Variants in UBE3B observed in about 807,000 individuals in gnomAD.
The protein encoded by UBE3B is ubiquitin-protein ligase E3B.
UBE3B carries 80 observed loss-of-function variants against 132.3 expected under a neutral mutation model. That is an observed-to-expected ratio of 0.60 (90% CI 0.50 to 0.73). The LOEUF is 0.73. UBE3B is among the 30% of genes least tolerant of loss of function. The pLI is 0.00. For missense variants in UBE3B, 1,196 were observed against 1,362.5 expected (o/e 0.88, Z 1.92); for synonymous variants, 487 against 520.4 (o/e 0.94, Z 0.87).
the UBE3B span, among the ~76,000 whole-genome samples, chr12:109,544,220 C>T: frequency 0.02 from 3,061 of 152,320 alleles, 52 homozygotes; most frequent in Non-Finnish European, 0.031. Context: ...CACGGCCTTA[C>T]GTGGCCACCA....
At chr12:109,511,837 G>C (rs11067006) in intron 18 of UBE3B, among the ~76,000 whole-genome samples, 2 of 152,104 alleles carry the variant, frequency 1.3e-5, no homozygotes, top group East Asian at 1.9e-4. Context: ...TGGCTGCAGC[G>C]TGGAGGGCTG....
chr12:109,504,912 TCTC>T (rs1879475067), intron 14 of UBE3B, among the ~76,000 whole-genome samples: 1 of 151,802 alleles, frequency 6.6e-6, no homozygotes, highest in Admixed American at 6.6e-5. Flanking sequence ...TTCACGCCAT[TCTC>T]CTGCCTCAGC....
chr12:109,534,389 G>A lies in UBE3B; in HGVS notation c.3016-202G>A, dbSNP rs1364929718. On this transcript the variant is annotated intron_variant, in intron 27 of 27. Coordinates refer to ENST00000342494, the MANE Select transcript of UBE3B (RefSeq NM_130466.4). This position sits in a 1 kb window ranked among gnomAD's most constrained non-coding sequence, Gnocchi z 5.2. ...GCAGGAATTCTCTGTGCAGGCCCCA[G>A]GGAGAAGGGGTTCCTTCTCTGGAAG... is the stretch of plus-strand genomic sequence containing the variant. 1.4e-6 allele frequency: 2 copies of A among 1,414,070 alleles called. No individual in the cohort carries two copies. Among genetic ancestry groups the A allele is most frequent in the East Asian group, 5.3e-5 (2 of 37,888 alleles). 87.6% of individuals were successfully genotyped at this position (1,414,070 alleles called of 1,614,324 possible).
At chr12:109,530,760 G>C in intron 26 of UBE3B, 102 bp downstream of exon 26, 1 of 1,149,834 alleles carries the variant, frequency 8.7e-7, no homozygotes, top group Non-Finnish European at 1.3e-6. Context: ...TTATCAGGAG[G>C]ACCTCAGATA....
At chr12:109,480,495 T>A (rs1875186407) in intron 1 of UBE3B, among the ~76,000 whole-genome samples, 1 of 151,718 alleles carries the variant, frequency 6.6e-6, no homozygotes, top group Non-Finnish European at 1.5e-5. Flanking sequence ...TACAAAAAAT[T>A]TAAAAACTAG....
At chr12:109,482,518 G>C (rs1341630074) in intron 2 of UBE3B, among the ~76,000 whole-genome samples, 1 of 152,230 alleles carries the variant, frequency 6.6e-6, no homozygotes, top group South Asian at 2.1e-4. Context: ...ATATTTTCAT[G>C]TGGGTGCTAC....
intron 22 of UBE3B, 100 bp downstream of exon 22, chr12:109,524,215 G>T (rs889570224): frequency 5.1e-5 from 78 of 1,520,766 alleles, no homozygotes; most frequent in Non-Finnish European, 6.8e-5. Context: ...TATTGCTGTT[G>T]CTGTAGCTGC....
chr12:109,496,607 T>C (rs1422576354), intron 9 of UBE3B, among the ~76,000 whole-genome samples: 2 of 152,246 alleles, frequency 1.3e-5, no homozygotes, highest in African/African-American at 4.8e-5. Flanking sequence ...ATCTCACTGT[T>C]GTTTTGATTT....
At chr12:109,533,938 A>G (rs1883214926) in intron 27 of UBE3B, 1 of 1,315,050 alleles carries the variant, frequency 7.6e-7, no homozygotes. Flanking sequence ...TGCTACTCCT[A>G]CCCCAGCAGG....
At chr12:109,487,366 C>G (rs971742080) in intron 6 of UBE3B, among the ~76,000 whole-genome samples, 5 of 152,220 alleles carry the variant, frequency 3.3e-5, no homozygotes, top group African/African-American at 1.2e-4. Context: ...GTCTCAGGGA[C>G]AGAGGCTTGG....
intron 24 of UBE3B, 144 bp downstream of exon 24, chr12:109,526,560 A>G (rs939431091): frequency 1.2e-6 from 1 of 849,020 alleles, no homozygotes; most frequent in African/African-American, 1.7e-5. Context: ...GTTACAGTTC[A>G]TAGGCCAGAA....
chr12:109,487,156 A>G (rs542334805), intron 6 of UBE3B, among the ~76,000 whole-genome samples: 205 of 152,296 alleles, frequency 1.3e-3, no homozygotes, highest in African/African-American at 4.8e-3. Context: ...GACCAGTTCA[A>G]AAATCCAGGT....
intron 14 of UBE3B, among the ~76,000 whole-genome samples, chr12:109,503,481 G>A (rs1879257040): frequency 1.3e-5 from 2 of 151,166 alleles, no homozygotes; most frequent in Non-Finnish European, 2.9e-5. Context: ...AAAAAGATAG[G>A]GTTGCAAAAA....
intron 1 of UBE3B, among the ~76,000 whole-genome samples, chr12:109,478,311 G>A (rs1182139464): frequency 1.3e-5 from 2 of 152,168 alleles, no homozygotes; most frequent in Admixed American, 6.5e-5. Flanking sequence ...TGGCCATTCT[G>A]TGAACGGGGG....
Position 109,533,513 on chromosome 12 carries a change from C to G in UBE3B, c.2970C>G (p.Leu990=). ...SRPPLLGFAY[L]KPPFSIRCVE... is the part of the protein sequence containing the mutation. ...CCCCGCTCCTGGGATTCGCCTACCT[C>G]AAGCCTCCATTCTCCATCCGCTGCG... The change falls in exon 27 of 28, where the codon CTC becomes CTG. Residue 990 remains leucine (L), a synonymous_variant. Transcript: ENST00000342494. The G allele has an allele frequency of 6.2e-7, 1 of 1,614,094 alleles. No individual in the cohort carries two copies. The highest frequency in any genetic ancestry group is 1.1e-5 in the South Asian group (1 of 91,074).
rs143522651 is a variant in UBE3B at position 109,499,695 on chromosome 12, G to A, written c.1003G>A (p.Val335Met). 10 of 1,613,134 alleles carry A rather than the reference G, an allele frequency of 6.2e-6. No individual in the cohort carries two copies. The highest frequency in any genetic ancestry group is 2.7e-5 in the African/African-American group (2 of 74,800). Residue 335 changes from valine (V) to methionine (M), a missense_variant, in exon 12 of 28, where the codon GTG becomes ATG. Val to Met is a conservative substitution (Grantham distance 21, BLOSUM62 1). Transcript: ENST00000342494. ...GTTAGAGGAGGAGACAGATGGGTTC[G>A]TGAGTTTGCTCACCCAGACGCTGTG... ...RVLEEETDGF[V>M]SLLTQTLCYC...
At chr12:109,482,863 A>G (rs541719988) in intron 2 of UBE3B, among the ~76,000 whole-genome samples, 51 of 152,386 alleles carry the variant, frequency 3.3e-4, no homozygotes, top group African/African-American at 1.1e-3. Context: ...GCAGGATGGT[A>G]ATTGTAAGGA....
At chr12:109,533,406 G>T in intron 26 of UBE3B, 60 bp from the exon 27 acceptor site, 1 of 1,449,062 alleles carries the variant, frequency 6.9e-7, no homozygotes, top group Non-Finnish European at 9.7e-7. Context: ...CAGCTGCAAG[G>T]GCCCGTCCTG....
At chr12:109,490,267 CT>C in intron 8 of UBE3B, 1 of 1,063,290 alleles carries the variant, frequency 9.4e-7, no homozygotes, top group Non-Finnish European at 1.3e-6. Context: ...CATTTAAACT[CT>C]GGAAGGAGAC....
Sources: gnomAD v4.1 joint callset for allele counts (sites outside exome capture counted in the v4.1 genomes callset) on GRCh38, gnomAD v4.1.1 for gene constraint, Gnocchi (gnomAD v3.1) non-coding constraint, MANE v1.5 for transcripts, NCBI Gene and HGNC (gene_info 2026-07-23, HGNC 2026-07-21) for gene names.